HDLBP: variants seen among roughly 807,000 people sequenced by gnomAD.
HDLBP encodes vigilin.
A neutral mutation model predicts 137.3 loss-of-function variants in HDLBP; 30 were observed. The observed-to-expected ratio is 0.22, with a 90% CI of 0.16 to 0.30. The LOEUF (loss-of-function observed/expected upper bound fraction) is 0.30, where lower values mean the gene tolerates loss of function less well. Ranked by LOEUF, HDLBP falls within the 10% of genes least tolerant of loss-of-function variation. HDLBP has a pLI of 1.00. For missense variants in HDLBP, 1,119 were observed against 1,667.3 expected (o/e 0.67, Z 5.73); for synonymous variants, 606 against 596.0 (o/e 1.02, Z -0.24).
intron 3 of HDLBP, 103 bp from the exon 4 acceptor site, chr2:241,264,708 C>G: frequency 1.7e-6 from 2 of 1,147,404 alleles, no homozygotes; most frequent in Non-Finnish European, 2.5e-6. Flanking sequence ...CAAGAACCAT[C>G]AAATGCTCCA....
Position 241,272,960 on chromosome 2 carries a change from A to G in HDLBP, c.-102-4419T>C. 1.0e-6 allele frequency: 1 copy of G among 952,630 alleles called. No homozygotes were observed. Among genetic ancestry groups the G allele is most frequent in the Non-Finnish European group, 1.3e-6 (1 of 799,828 alleles). The allele number at this position is 952,630 out of a possible 1,614,324, so 59.0% of individuals were successfully genotyped here. On this transcript the variant is annotated intron_variant, in intron 1 of 27. Transcript: ENST00000310931. This position sits in a 1 kb window ranked among gnomAD's most constrained non-coding sequence, Gnocchi z 5.6. ...GGGCCGCCCAGCACCCGGGAGGCCCACCCAACTGCAGGCGTGGTTCTGCAT... is the reference window on the plus strand; with the variant it reads ...GGGCCGCCCAGCACCCGGGAGGCCCGCCCAACTGCAGGCGTGGTTCTGCAT...
Position 241,272,198 on chromosome 2 carries a change from G to A in HDLBP, c.-102-3657C>T, listed in dbSNP as rs1231943216. 4.1e-6 allele frequency: 4 copies of A among 984,536 alleles called. No homozygotes were observed. Among genetic ancestry groups the A allele is most frequent in the Non-Finnish European group, 4.8e-6 (4 of 829,286 alleles). 61.0% of individuals were successfully genotyped at this position (984,536 alleles called of 1,614,324 possible). A position where few individuals can be genotyped will look rare whatever the true frequency, so the allele number is the denominator to read the frequency against. ...ACGCGGGCCCCGCGCGGCAGGTGGA[G>A]GTGCTGCGGGGGCCCCGCCGCCCGG... On this transcript the variant is annotated intron_variant, in intron 1 of 27. Coordinates refer to ENST00000310931, the MANE Select transcript of HDLBP (RefSeq NM_005336.6). This position sits in a 1 kb window ranked among gnomAD's most constrained non-coding sequence, Gnocchi z 5.6.
chr2:241,233,794 C>T lies in HDLBP; in HGVS notation c.3288+26G>A, dbSNP rs775160190. 1.9e-5 allele frequency: 31 copies of T among 1,613,560 alleles called. No homozygotes were observed. In the Admixed American group the frequency reaches 3.3e-4, roughly 17 times the overall value. On this transcript the variant is annotated intron_variant, in intron 24 of 27. Coordinates refer to ENST00000310931, the MANE Select transcript of HDLBP (RefSeq NM_005336.6). The surrounding 1 kb of genome is among the most constrained non-coding windows in gnomAD (Gnocchi z 4.3). ...AAAGGTCAACAAGCACCTCTGCCCCCGACACGCTCCAACCGAGGCTCTCAC... is the reference window on the plus strand; with the variant it reads ...AAAGGTCAACAAGCACCTCTGCCCCTGACACGCTCCAACCGAGGCTCTCAC...
At chr2:241,266,623 C>T (rs1038996393) in intron 3 of HDLBP, 171 bp downstream of exon 3, 10 of 583,782 alleles carry the variant, frequency 1.7e-5, no homozygotes, top group East Asian at 2.8e-5. Flanking sequence ...CCTGGCCAGT[C>T]GCCCCTGCAC....
At chr2:241,237,193 ACGCAGC>A in intron 20 of HDLBP, among the ~76,000 whole-genome samples, 1 of 152,294 alleles carries the variant, frequency 6.6e-6, no homozygotes, top group African/African-American at 2.4e-5. Context: ...GGCGGCCAGC[ACGCAGC>A]CCCACCCAGG....
At position 241,266,775 on chromosome 2, in the gene HDLBP, C is replaced by G; in HGVS notation, c.76+19G>C. The G allele has an allele frequency of 1.4e-6, 2 of 1,448,610 alleles. No individual in the cohort carries two copies. The highest frequency in any genetic ancestry group is 1.9e-6 in the Non-Finnish European group (2 of 1,028,648). The allele number at this position is 1,448,610 out of a possible 1,614,324, so 89.7% of individuals were successfully genotyped here. Reference sequence around the variant, plus strand: ...ATGCCTTAGACATTACCAGGAAGAGCACATAAAAGGGCTGTCACCTTTGAT... The same window carrying G: ...ATGCCTTAGACATTACCAGGAAGAGGACATAAAAGGGCTGTCACCTTTGAT... On this transcript the variant is annotated intron_variant, in intron 3 of 27. Transcript: ENST00000310931.
chr2:241,248,116 C>T lies in HDLBP; in HGVS notation c.1618G>A (p.Val540Ile). The change falls in exon 14 of 28, where the codon GTC (valine) becomes ATC (isoleucine). Residue 540 changes from valine to isoleucine, a missense_variant and splice_region_variant. By Grantham distance (29) the Val-to-Ile change is conservative (BLOSUM62 3). Coordinates refer to ENST00000310931, the MANE Select transcript of HDLBP (RefSeq NM_005336.6). The stretch of plus-strand genomic sequence containing the variant: ...GCTGGGTCTGGAAAGTTAATGATGA[C>T]CTAGAACAAATCATGGGGAGACTAA... ...IREIRDKFPEVIINFPDPAQK... is the reference protein window; with the variant it reads ...IREIRDKFPEIIINFPDPAQK... The T allele has an allele frequency of 1.2e-6, 2 of 1,611,478 alleles. No homozygotes were observed. The highest frequency in any genetic ancestry group is 1.7e-6 in the Non-Finnish European group (2 of 1,177,590).
chr2:241,275,060 C>G (rs183744254), intron 1 of HDLBP, among the ~76,000 whole-genome samples: 69 of 152,294 alleles, frequency 4.5e-4, no homozygotes, highest in African/African-American at 1.6e-3. Context: ...CTATCCTGAG[C>G]TGGCAGACAG....
rs1224248115 is a variant in HDLBP at position 241,305,791 on chromosome 2, G to C, written c.-103+9779C>G. Among the ~76,000 whole-genome samples, 10 of 146,536 alleles carry C rather than the reference G, an allele frequency of 6.8e-5. No individual in the cohort carries two copies. The East Asian group carries it at 1.8e-3, about 26-fold the overall frequency. ...TTTTTTTTTTTTGAGATGGAGTCTC[G>C]CTCTGTCGCCCAGGCTGGAGTGCAG... On this transcript the variant is annotated intron_variant, in intron 1 of 27. Transcript: ENST00000310931.
intron 24 of HDLBP, among the ~76,000 whole-genome samples, chr2:241,231,588 T>C (rs964340286): frequency 1.3e-5 from 2 of 152,124 alleles, no homozygotes; most frequent in Non-Finnish European, 2.9e-5. Flanking sequence ...CCCCTCAGCT[T>C]CCTGCTTCTT....
In HDLBP at chr2:241,253,373, C is replaced by T. The variant is rs748060407; in HGVS notation, c.1293+20G>A. The T allele has an allele frequency of 1.1e-5, 17 of 1,519,672 alleles. No individual in the cohort carries two copies. The East Asian group carries it at 1.6e-4, about 14-fold the overall frequency. 94.1% of individuals were successfully genotyped at this position (1,519,672 alleles called of 1,614,324 possible). A position where few individuals can be genotyped will look rare whatever the true frequency, so the allele number is the denominator to read the frequency against. On this transcript the variant is annotated intron_variant, in intron 10 of 27. Transcript: ENST00000310931. Reference sequence around the variant, plus strand: ...CCTCCCTTGTCACCAGCACACACAACATTCCAAGGGGTACCTTACCAAATC... The same window carrying T: ...CCTCCCTTGTCACCAGCACACACAATATTCCAAGGGGTACCTTACCAAATC...
At chr2:241,246,636 C>A in intron 16 of HDLBP, 116 bp downstream of exon 16, 1 of 1,016,244 alleles carries the variant, frequency 9.8e-7, no homozygotes, top group Non-Finnish European at 1.5e-6. Flanking sequence ...AAGGTGCAAT[C>A]TTCCACATCA....
intron 20 of HDLBP, among the ~76,000 whole-genome samples, chr2:241,237,185 C>T (rs762325087): frequency 6.6e-6 from 1 of 152,112 alleles, no homozygotes; most frequent in African/African-American, 2.4e-5. Context: ...TCAGGGAAGG[C>T]GGCCAGCACG....
chr2:241,307,838 C>T (rs1175057461), intron 1 of HDLBP, among the ~76,000 whole-genome samples: 1 of 151,834 alleles, frequency 6.6e-6, no homozygotes, highest in African/African-American at 2.4e-5. Context: ...GTAAACATAC[C>T]TTAATAAATC....
chr2:241,242,580 G>A lies in HDLBP; in HGVS notation c.2049C>T (p.Cys683=), dbSNP rs374252279. The change falls in exon 17 of 28, where the codon TGC becomes TGT. Residue 683 remains cysteine (C), a synonymous_variant. Transcript: ENST00000310931. The part of the protein sequence containing the change: ...GRLIRSIMEE[C]GGVHIHFPVE... ...CGGGAAAGTGAATGTGGACCCCGCC[G>A]CACTCCTCCATGATGGAGCGGATCA... is the stretch of plus-strand genomic sequence containing the variant. 1.1e-4 allele frequency: 170 copies of A among 1,614,146 alleles called. 1 individual carries two copies. In the Middle Eastern group the frequency reaches 1.3e-3, roughly 13 times the overall value.
At chr2:241,268,364 G>C in intron 2 of HDLBP, 113 bp downstream of exon 2, 14 of 626,852 alleles carry the variant, frequency 2.2e-5, no homozygotes, top group Non-Finnish European at 2.8e-5. Flanking sequence ...GAAACTTGAA[G>C]GTGTGATATA....
chr2:241,291,367 C>T (rs2075008275), intron 1 of HDLBP, among the ~76,000 whole-genome samples: 2 of 152,090 alleles, frequency 1.3e-5, no homozygotes, highest in African/African-American at 4.8e-5. Context: ...CAGTCACAAA[C>T]CAAGGAGTCA....
chr2:241,232,786 C>G (rs1199277634), intron 24 of HDLBP, among the ~76,000 whole-genome samples: 1 of 152,054 alleles, frequency 6.6e-6, no homozygotes, highest in Non-Finnish European at 1.5e-5. Flanking sequence ...TGCACTCCAC[C>G]TGGGGCAACA....
At chr2:241,289,882 A>G (rs549433148) in intron 1 of HDLBP, among the ~76,000 whole-genome samples, 10 of 152,280 alleles carry the variant, frequency 6.6e-5, no homozygotes, top group South Asian at 4.1e-4. Context: ...GATAAAAAGG[A>G]AACTCCAGCT....
Sources: gnomAD v4.1 joint callset for allele counts (sites outside exome capture counted in the v4.1 genomes callset) on GRCh38, gnomAD v4.1.1 for gene constraint, Gnocchi (gnomAD v3.1) non-coding constraint, MANE v1.5 for transcripts, NCBI Gene and HGNC (gene_info 2026-07-23, HGNC 2026-07-21) for gene names.